Variants in SNTG2 observed in about 807,000 individuals in gnomAD.
The protein encoded by SNTG2 is gamma-2-syntrophin.
A neutral mutation model predicts 70.9 loss-of-function variants in SNTG2; 74 were observed. That is an observed-to-expected ratio of 1.04 (90% CI 0.86 to 1.27). SNTG2 has a LOEUF of 1.27. Ranked by LOEUF, SNTG2 falls within the 50% of genes most tolerant of loss-of-function variation. SNTG2 has a pLI of 0.00. For synonymous variants in SNTG2, 278 were observed against 273.8 expected, an observed-to-expected ratio of 1.02 and a Z score of -0.15; for missense variants, 717 against 690.7, an observed-to-expected ratio of 1.04 and a Z score of -0.43.
intron 13 of SNTG2, among the ~76,000 whole-genome samples, chr2:1,260,964 T>C (rs1291830286): frequency 6.6e-6 from 1 of 152,196 alleles, no homozygotes; most frequent in Non-Finnish European, 1.5e-5. Context: ...ATTAGTAAGC[T>C]ATAGAGCCAT....
chr2:1,026,414 A>C (rs1440539699), intron 1 of SNTG2, among the ~76,000 whole-genome samples: 3 of 152,236 alleles, frequency 2.0e-5, no homozygotes, highest in African/African-American at 7.2e-5. Flanking sequence ...TAAAGAACTC[A>C]TTAGAGTTAC....
At chr2:1,064,206 G>A (rs182738397) in intron 1 of SNTG2, among the ~76,000 whole-genome samples, 8 of 152,100 alleles carry the variant, frequency 5.3e-5, no homozygotes, top group Non-Finnish European at 1.0e-4. Flanking sequence ...AACAATGAAC[G>A]TGTATTAGAG....
At chr2:1,340,262 T>C (rs1391200326) in intron 16 of SNTG2, among the ~76,000 whole-genome samples, 1 of 152,136 alleles carries the variant, frequency 6.6e-6, no homozygotes, top group Non-Finnish European at 1.5e-5. Flanking sequence ...CGGTTGTTAT[T>C]ACCCTGGAAG....
intron 1 of SNTG2, among the ~76,000 whole-genome samples, chr2:993,313 A>G (rs1327961004): frequency 6.7e-6 from 1 of 148,672 alleles, no homozygotes; most frequent in Non-Finnish European, 1.5e-5. Context: ...GCTTAGCATA[A>G]TGATTTCAAG....
intron 16 of SNTG2, among the ~76,000 whole-genome samples, chr2:1,338,116 C>T (rs75596984): frequency 0.041 from 6,186 of 152,244 alleles, 425 homozygotes; most frequent in African/African-American, 0.14. Context: ...GCTTTGCCAT[C>T]AGCTTTAAAA....
rs116233467 is a variant in SNTG2, at chr2:1,168,344, A to T, written c.499+2709A>T. ...GCCGCCCACAGACGGCAGAACTAACAGAGCGCCCTGGAACACACTCCCACT... is the reference window on the plus strand; with the variant it reads ...GCCGCCCACAGACGGCAGAACTAACTGAGCGCCCTGGAACACACTCCCACT... On this transcript the variant is annotated intron_variant, in intron 7 of 16. Coordinates refer to ENST00000308624, the MANE Select transcript of SNTG2 (RefSeq NM_018968.4). Among the ~76,000 whole-genome samples the T allele has an allele frequency of 2.2e-3, 327 of 151,834 alleles. 4 individuals are homozygous for T. The highest frequency in any genetic ancestry group is 7.8e-3 in the African/African-American group (321 of 41,228).
At chr2:1,316,201 C>A in intron 15 of SNTG2, 64 bp from the exon 16 acceptor site, 1 of 754,184 alleles carries the variant, frequency 1.3e-6, no homozygotes, top group Non-Finnish European at 2.2e-6. Context: ...AATGTAGTAA[C>A]AGATGCTAAT....
At chr2:1,002,136 A>G (rs1659416152) in intron 1 of SNTG2, among the ~76,000 whole-genome samples, 1 of 152,176 alleles carries the variant, frequency 6.6e-6, no homozygotes, top group African/African-American at 2.4e-5. Context: ...AAATTTAAAT[A>G]TAACACCTGA....
intron 9 of SNTG2, among the ~76,000 whole-genome samples, chr2:1,216,475 A>G (rs951925628): frequency 8.5e-5 from 13 of 152,104 alleles, no homozygotes; most frequent in South Asian, 2.1e-4. Context: ...AGATGAGTAG[A>G]TTGCAAAAAT....
intron 8 of SNTG2, among the ~76,000 whole-genome samples, chr2:1,188,311 A>C (rs1672371248): frequency 6.6e-6 from 1 of 152,204 alleles, no homozygotes; most frequent in African/African-American, 2.4e-5. Flanking sequence ...TGAAAATAGA[A>C]AATAAAGAAA....
At chr2:1,287,918 G>A (rs62108110) in intron 14 of SNTG2, among the ~76,000 whole-genome samples, 51,101 of 151,978 alleles carry the variant, frequency 0.34, 8,875 homozygotes, top group Middle Eastern at 0.47. Context: ...CCTCACTCAC[G>A]CATTCCACAC....
rs116193097 is a variant in SNTG2, at chr2:1,110,497, C to A, written c.325+12087C>A. Among the ~76,000 whole-genome samples the A allele has an allele frequency of 6.5e-3, 986 of 152,300 alleles. 6 individuals are homozygous for A. Among genetic ancestry groups the A allele is most frequent in the African/African-American group, 0.022 (927 of 41,558 alleles). On this transcript the variant is annotated intron_variant, in intron 4 of 16. Coordinates refer to ENST00000308624, the MANE Select transcript of SNTG2 (RefSeq NM_018968.4). ...CCTTCTCCTCTGCCTCCCTCCCTCCCATGTAAATATTGATTTAGATGTCTT... is the reference window on the plus strand; with the variant it reads ...CCTTCTCCTCTGCCTCCCTCCCTCCAATGTAAATATTGATTTAGATGTCTT...
chr2:1,127,598 A>G (rs1481293825), intron 4 of SNTG2, among the ~76,000 whole-genome samples: 1 of 152,046 alleles, frequency 6.6e-6, no homozygotes. Context: ...ACGTTATGTC[A>G]TTCCTTTGTG....
At chr2:1,246,638 AAATG>A (rs1677446739) in intron 11 of SNTG2, among the ~76,000 whole-genome samples, 1 of 152,230 alleles carries the variant, frequency 6.6e-6, no homozygotes, top group Non-Finnish European at 1.5e-5. Context: ...TAGAATGAGA[AAATG>A]AAAGAATTAT....
chr2:1,340,176 T>A (rs1484912595), intron 16 of SNTG2, among the ~76,000 whole-genome samples: 1 of 152,170 alleles, frequency 6.6e-6, no homozygotes, highest in Admixed American at 6.5e-5. Flanking sequence ...CTGTCTAAAT[T>A]TACTGATTTA....
At position 1,288,758 on chromosome 2, in the gene SNTG2, A is replaced by T. The variant is rs186410267; in HGVS notation, c.1285-19736A>T. Among the ~76,000 whole-genome samples, 274 of 152,262 alleles carry T rather than the reference A, an allele frequency of 1.8e-3. 1 individual carries two copies. Among genetic ancestry groups the T allele is most frequent in the Middle Eastern group, 6.8e-3 (2 of 294 alleles). On this transcript the variant is annotated intron_variant, in intron 14 of 16. Coordinates refer to ENST00000308624, the MANE Select transcript of SNTG2 (RefSeq NM_018968.4). Reference sequence around the variant, plus strand: ...TGTAAACATGACACACCTCACACACATGTACACATGCACACTCATGCACAT... The same window carrying T: ...TGTAAACATGACACACCTCACACACTTGTACACATGCACACTCATGCACAT...
chr2:1,244,881 C>T (rs28414675), intron 11 of SNTG2, among the ~76,000 whole-genome samples: 31,303 of 151,504 alleles, frequency 0.21, 4,369 homozygotes, highest in African/African-American at 0.39. Context: ...CCAGCTGCTC[C>T]GAAGATTTAG....
chr2:1,228,662 C>T (rs148384760), intron 9 of SNTG2, among the ~76,000 whole-genome samples: 1 of 152,296 alleles, frequency 6.6e-6, no homozygotes, highest in Non-Finnish European at 1.5e-5. Context: ...TTGCTCCGTT[C>T]GTTGTCAGGT....
intron 15 of SNTG2, among the ~76,000 whole-genome samples, chr2:1,314,998 A>G (rs1681205207): frequency 1.3e-5 from 2 of 152,224 alleles, no homozygotes; most frequent in South Asian, 4.1e-4. Flanking sequence ...GTGGGGACAC[A>G]GCTAAACCAT....
Sources: allele counts gnomAD v4.1 joint callset (sites outside exome capture counted in the v4.1 genomes callset), GRCh38; gene constraint gnomAD v4.1.1; transcripts MANE v1.5; gene names NCBI Gene and HGNC (gene_info 2026-07-23, HGNC 2026-07-21).